The following DTWD2 variants were observed in gnomAD, a reference collection of about 807,000 sequenced individuals.
DTWD2 encodes tRNA-uridine aminocarboxypropyltransferase 2.
A neutral mutation model predicts 31.8 loss-of-function variants in DTWD2; 39 were observed. The ratio of observed to expected loss-of-function variants is 1.22; its 90% confidence interval spans 0.95 to 1.60. The LOEUF (loss-of-function observed/expected upper bound fraction) is 1.60. Ranked by LOEUF, DTWD2 falls within the 40% of genes most tolerant of loss-of-function variation. DTWD2 has a pLI of 0.00. For synonymous variants in DTWD2, 180 were observed against 142.8 expected, an observed-to-expected ratio of 1.26 and a Z score of -1.86; for missense variants, 515 against 381.5, an observed-to-expected ratio of 1.35 and a Z score of -2.92.
chr5:118,861,262 TG>T (rs1752253436), intron 4 of DTWD2, among the ~76,000 whole-genome samples: 1 of 152,222 alleles, frequency 6.6e-6, no homozygotes, highest in Admixed American at 6.5e-5. Context: ...GATGTTCTAA[TG>T]ATACCATGAG....
intron 1 of DTWD2, among the ~76,000 whole-genome samples, chr5:118,978,007 A>G (rs1490914768): frequency 2.0e-5 from 3 of 152,226 alleles, no homozygotes; most frequent in South Asian, 2.1e-4. Context: ...AACCAGACAC[A>G]TAGACCAATG....
At chr5:118,956,441 T>G (rs1435423986) in intron 1 of DTWD2, among the ~76,000 whole-genome samples, 1 of 152,214 alleles carries the variant, frequency 6.6e-6, no homozygotes. Flanking sequence ...TAAGACTGAC[T>G]TGCTTCCTAA....
intron 1 of DTWD2, among the ~76,000 whole-genome samples, chr5:118,961,539 C>G (rs1754706379): frequency 6.6e-6 from 1 of 152,054 alleles, no homozygotes; most frequent in South Asian, 2.1e-4. Flanking sequence ...AATGATTGGA[C>G]AAATAAAGAA....
At chr5:118,988,146 G>C (rs1293288908) in intron 1 of DTWD2, 148 bp downstream of exon 1, 10 of 952,044 alleles carry the variant, frequency 1.1e-5, no homozygotes, top group Non-Finnish European at 1.6e-5. Context: ...GCTGTGCCTG[G>C]CATTTCCGAG....
At chr5:118,935,536 G>A (rs907969824) in intron 3 of DTWD2, among the ~76,000 whole-genome samples, 1 of 152,040 alleles carries the variant, frequency 6.6e-6, no homozygotes, top group African/African-American at 2.4e-5. Flanking sequence ...TTGCTCGCTC[G>A]CTTGCTTGTG....
At chr5:118,966,880 AT>A (rs1754862840) in intron 1 of DTWD2, among the ~76,000 whole-genome samples, 1 of 152,162 alleles carries the variant, frequency 6.6e-6, no homozygotes, top group African/African-American at 2.4e-5. Flanking sequence ...AAATACAAAA[AT>A]TAGCCAGGCA....
At chr5:118,977,348 A>C (rs952591977) in intron 1 of DTWD2, among the ~76,000 whole-genome samples, 1 of 152,186 alleles carries the variant, frequency 6.6e-6, no homozygotes, top group African/African-American at 2.4e-5. Flanking sequence ...GCAATCAGGC[A>C]AGAGAAAGAA....
At chr5:118,905,561 C>G (rs1464567748) in intron 4 of DTWD2, among the ~76,000 whole-genome samples, 1 of 152,134 alleles carries the variant, frequency 6.6e-6, no homozygotes, top group Non-Finnish European at 1.5e-5. Flanking sequence ...CTCAAGCCAT[C>G]TGGATTCAAA....
chr5:118,875,695 G>C (rs1752605805), intron 4 of DTWD2, among the ~76,000 whole-genome samples: 1 of 151,994 alleles, frequency 6.6e-6, no homozygotes. Context: ...CCCAACACAG[G>C]AGCATCCAGA....
In DTWD2 at chr5:118,928,710, C is replaced by A; in HGVS notation, c.424G>T (p.Val142Phe). Reference protein sequence around the residue: ...SEERDPELSTVCRKSGTLILY... With the variant: ...SEERDPELSTFCRKSGTLILY... ...ATTAATGTACCAGACTTCCGGCAAACAGTTGAAAGTTCAGGATCTCTGAAA... is the reference window on the plus strand; with the variant it reads ...ATTAATGTACCAGACTTCCGGCAAAAAGTTGAAAGTTCAGGATCTCTGAAA... The change falls in exon 4 of 6, where the codon GTT (valine) becomes TTT (phenylalanine). Residue 142 changes from valine (V) to phenylalanine (F), a missense_variant. By Grantham distance (50) the Val-to-Phe change is conservative. Transcript: ENST00000510708. 6.4e-7 allele frequency: 1 copy of A among 1,572,284 alleles called. No homozygotes were observed. Among genetic ancestry groups the A allele is most frequent in the Non-Finnish European group, 8.6e-7 (1 of 1,161,570 alleles).
rs566197225 is a variant in DTWD2, at chr5:118,837,335, T to C, written c.*3582A>G. On this transcript the variant is annotated 3_prime_UTR_variant, in exon 6 of 6. Transcript: ENST00000510708. ...TTTCATTCCATCTATAATGCAATAT[T>C]ATTTATTCATAAAAATATCCATCCA... is the stretch of plus-strand genomic sequence containing the variant. 6.6e-6 allele frequency: 1 copy of C among 152,352 alleles called. No individual in the cohort carries two copies. The highest frequency in any genetic ancestry group is 2.4e-5 in the African/African-American group (1 of 41,578). The allele number at this position is 152,352 out of a possible 1,614,324, so 9.4% of individuals were successfully genotyped here.
At chr5:118,985,490 T>TTATGTATATATATA (rs1554072596) in intron 1 of DTWD2, among the ~76,000 whole-genome samples, 1 of 95,418 alleles carries the variant, frequency 1.0e-5, no homozygotes, top group Non-Finnish European at 2.2e-5. Context: ...ATGTGCATTT[T>TTATGTATATATATA]TATATATATA....
intron 4 of DTWD2, among the ~76,000 whole-genome samples, chr5:118,865,177 C>T (rs1752356285): frequency 6.6e-6 from 1 of 152,080 alleles, no homozygotes; most frequent in Non-Finnish European, 1.5e-5. Flanking sequence ...AAAAGCATTC[C>T]TTCACAACCG....
At position 118,907,841 on chromosome 5, in the gene DTWD2, T is replaced by G. The variant is rs183791363; in HGVS notation, c.597+20696A>C. 1.3e-3 allele frequency among the ~76,000 whole-genome samples: 199 copies of G among 152,254 alleles called. 1 individual carries two copies. The highest frequency in any genetic ancestry group is 4.6e-3 in the African/African-American group (193 of 41,536). On this transcript the variant is annotated intron_variant, in intron 4 of 5. Transcript: ENST00000510708. ...CTCAGGGGAGGGTCGGTCTTTATGT[T>G]CTATTCAAGCCTTCAACTGACTGGA...
chr5:118,897,777 T>C (rs1461742405), intron 4 of DTWD2, among the ~76,000 whole-genome samples: 1 of 152,252 alleles, frequency 6.6e-6, no homozygotes, highest in East Asian at 1.9e-4. Flanking sequence ...TTCAAAGGAA[T>C]CTTTGTGTAA....
In DTWD2 at chr5:118,916,769, C is replaced by T. The variant is rs779441653; in HGVS notation, c.597+11768G>A. ...TTTAATGTGGAAGAAGCTTTCCTCA[C>T]GTATCTAAAATGATACAATTTTAGT... is the stretch of plus-strand genomic sequence containing the variant. On this transcript the variant is annotated intron_variant, in intron 4 of 5. Coordinates refer to ENST00000510708, the MANE Select transcript of DTWD2 (RefSeq NM_173666.4). Among the ~76,000 whole-genome samples, 13 of 151,912 alleles carry T rather than the reference C, an allele frequency of 8.6e-5. No individual in the cohort carries two copies. The South Asian group carries it at 1.5e-3, about 17-fold the overall frequency.
At chr5:118,933,436 A>T (rs1377552185) in intron 3 of DTWD2, among the ~76,000 whole-genome samples, 1 of 152,190 alleles carries the variant, frequency 6.6e-6, no homozygotes, top group East Asian at 1.9e-4. Context: ...AGCAAATTAA[A>T]TCCAAAAAGT....
rs1753864469 is a variant in DTWD2 at position 118,928,865 on chromosome 5, A to C, written c.405-136T>G. On this transcript the variant is annotated intron_variant, in intron 3 of 5. Transcript: ENST00000510708. ...ATCAAATATAAGTATTAGTTTATAA[A>C]GTATGAATTAAAAAGACTCAAAATT... 6.9e-6 allele frequency: 5 copies of C among 724,528 alleles called. No individual in the cohort carries two copies. The East Asian group carries it at 1.5e-4, about 22-fold the overall frequency. The allele number at this position is 724,528 out of a possible 1,614,324, so 44.9% of individuals were successfully genotyped here.
intron 1 of DTWD2, among the ~76,000 whole-genome samples, chr5:118,962,543 A>C (rs886859390): frequency 2.6e-5 from 4 of 152,186 alleles, no homozygotes; most frequent in Admixed American, 6.5e-5. Context: ...AAAATCCTAA[A>C]AGAAGCTGGA....
Sources: allele counts gnomAD v4.1 joint callset (sites outside exome capture counted in the v4.1 genomes callset), GRCh38; gene constraint gnomAD v4.1.1; transcripts MANE v1.5; gene names NCBI Gene and HGNC (gene_info 2026-07-23, HGNC 2026-07-21).